UBASH3B: variants seen among roughly 807,000 people sequenced by gnomAD.
The protein encoded by UBASH3B is ubiquitin associated and SH3 domain containing B.
UBASH3B carries 37 observed loss-of-function variants against 83.4 expected under a neutral mutation model. The ratio of observed to expected loss-of-function variants is 0.44; its 90% confidence interval spans 0.34 to 0.58. The LOEUF is 0.58. Among genes scored for constraint, UBASH3B ranks in the 20% least tolerant of loss-of-function variants. UBASH3B has a pLI of 0.01. For synonymous variants in UBASH3B, 304 were observed against 318.3 expected, an observed-to-expected ratio of 0.96 and a Z score of 0.48; for missense variants, 657 against 827.2, an observed-to-expected ratio of 0.79 and a Z score of 2.52.
chr11:122,707,813 C>T (rs1205930830), intron 1 of UBASH3B, among the ~76,000 whole-genome samples: 2 of 151,840 alleles, frequency 1.3e-5, no homozygotes, highest in African/African-American at 4.8e-5. Context: ...ATTCTTCTGC[C>T]ACAGCCGAGT....
At chr11:122,658,090 C>T (rs1202035544) in intron 1 of UBASH3B, among the ~76,000 whole-genome samples, 2 of 150,860 alleles carry the variant, frequency 1.3e-5, no homozygotes, top group Admixed American at 6.6e-5. Context: ...ATAAGAGAAT[C>T]GCTTGAGCCC....
rs1228865863 is a variant in UBASH3B, at chr11:122,774,862, C to A, written c.162-1357C>A. 2.0e-5 allele frequency among the ~76,000 whole-genome samples: 3 copies of A among 152,206 alleles called. No individual in the cohort carries two copies. The Middle Eastern group carries it at 0.01, about 521-fold the overall frequency. The stretch of plus-strand genomic sequence containing the variant: ...TTCCACATCAACGACCACCACGCGC[C>A]CCATCCACCCCACCCAGATGTGTCT... On this transcript the variant is annotated intron_variant, in intron 1 of 13. Coordinates refer to ENST00000284273, the MANE Select transcript of UBASH3B (RefSeq NM_032873.5).
intron 10 of UBASH3B, 76 bp from the exon 11 acceptor site, chr11:122,801,112 T>C (rs774717108): frequency 2.0e-5 from 31 of 1,549,352 alleles, no homozygotes; most frequent in Non-Finnish European, 2.2e-5. Flanking sequence ...ATAGCTGATT[T>C]ATCAGAATTT....
chr11:122,678,224 A>C (rs1158686213), intron 1 of UBASH3B, among the ~76,000 whole-genome samples: 2 of 152,230 alleles, frequency 1.3e-5, no homozygotes, highest in East Asian at 3.9e-4. Flanking sequence ...AGTTCAGTTC[A>C]TATCAGCCAT....
intron 1 of UBASH3B, among the ~76,000 whole-genome samples, chr11:122,737,129 C>T (rs921516537): frequency 3.3e-5 from 5 of 151,992 alleles, no homozygotes; most frequent in African/African-American, 1.2e-4. Context: ...CAGGGAAGGG[C>T]CAGAAAATAG....
intron 1 of UBASH3B, among the ~76,000 whole-genome samples, chr11:122,660,275 T>C (rs758283504): frequency 3.9e-5 from 6 of 152,146 alleles, no homozygotes; most frequent in Non-Finnish European, 7.4e-5. Flanking sequence ...ACGGTGTGTG[T>C]GTGCGTGTGC....
chr11:122,799,725 C>T (rs1435285941), intron 10 of UBASH3B, among the ~76,000 whole-genome samples: 8 of 152,136 alleles, frequency 5.3e-5, no homozygotes, highest in Non-Finnish European at 1.2e-4. Flanking sequence ...TCTTAATCAT[C>T]ATTTTTTTCT....
At position 122,655,737 on chromosome 11, in the gene UBASH3B, A is replaced by G. The variant is rs1023664426; in HGVS notation, c.-313A>G. ...AAAATTACTCATTGCAAATTCCCGGACTGCTAGGCGAGGAGAGGGAAGGGG... is the reference window on the plus strand; with the variant it reads ...AAAATTACTCATTGCAAATTCCCGGGCTGCTAGGCGAGGAGAGGGAAGGGG... On this transcript the variant is annotated 5_prime_UTR_variant, in exon 1 of 14. Transcript: ENST00000284273. The G allele has an allele frequency of 1.9e-5, 6 of 312,936 alleles. No homozygotes were observed. Among genetic ancestry groups the G allele is most frequent in the Non-Finnish European group, 3.5e-5 (6 of 170,828 alleles). 19.4% of individuals were successfully genotyped at this position (312,936 alleles called of 1,614,324 possible).
intron 1 of UBASH3B, among the ~76,000 whole-genome samples, chr11:122,673,607 C>T (rs192773219): frequency 2.3e-4 from 35 of 152,242 alleles, no homozygotes; most frequent in Middle Eastern, 3.4e-3. Context: ...TGCAGTGAGC[C>T]GAGATGGCTC....
chr11:122,788,116 G>C (rs761032587), intron 5 of UBASH3B, among the ~76,000 whole-genome samples: 8 of 152,188 alleles, frequency 5.3e-5, no homozygotes, highest in Non-Finnish European at 1.0e-4. Flanking sequence ...TGGCCTGGGG[G>C]CTGTTTCGGA....
chr11:122,660,670 G>A (rs1364561971), intron 1 of UBASH3B, among the ~76,000 whole-genome samples: 2 of 152,140 alleles, frequency 1.3e-5, no homozygotes, highest in African/African-American at 2.4e-5. Context: ...TGTAGCTTGG[G>A]GCTGATGCTG....
At chr11:122,796,880 GT>G (rs1591328215) in intron 8 of UBASH3B, 30 bp from the exon 9 acceptor site, 2 of 1,614,048 alleles carry the variant, frequency 1.2e-6, no homozygotes, top group East Asian at 4.5e-5. Flanking sequence ...AGAAATGTAT[GT>G]ATCCTCTGTC....
intron 8 of UBASH3B, among the ~76,000 whole-genome samples, chr11:122,796,698 C>T (rs1283198665): frequency 6.6e-6 from 1 of 152,166 alleles, no homozygotes; most frequent in African/African-American, 2.4e-5. Context: ...GAGAAACTAC[C>T]TCATGTCACT....
chr11:122,808,131 C>T lies in UBASH3B; in HGVS notation c.1767C>T (p.Gly589=). The T allele has an allele frequency of 6.2e-7, 1 of 1,614,166 alleles. No individual in the cohort carries two copies. The highest frequency in any genetic ancestry group is 8.5e-7 in the Non-Finnish European group (1 of 1,180,002). ...AAGCGTGTACCTGCCAACTTCAGGG[C>T]CTGTCACCTCAGAACTCCAAGGACT... ...SLEACTCQLQ[G]LSPQNSKDFV... Residue 589 remains glycine (G), a synonymous_variant, in exon 13 of 14, where the codon GGC becomes GGT. Transcript: ENST00000284273.
intron 11 of UBASH3B, 135 bp downstream of exon 11, chr11:122,801,467 A>G (rs1861258492): frequency 1.8e-6 from 2 of 1,086,288 alleles, no homozygotes; most frequent in South Asian, 1.7e-5. Context: ...AAAACGAGCT[A>G]TGATTTTAGA....
intron 4 of UBASH3B, chr11:122,782,650 A>C: frequency 6.4e-6 from 1 of 157,026 alleles, no homozygotes. Flanking sequence ...AATGAAGGGA[A>C]TAGAGCTTTG....
chr11:122,766,607 G>A (rs1213505785), intron 1 of UBASH3B, among the ~76,000 whole-genome samples: 2 of 152,030 alleles, frequency 1.3e-5, no homozygotes, highest in East Asian at 3.9e-4. Flanking sequence ...GCCGGACGTG[G>A]TGGCAGGTGC....
chr11:122,703,470 C>T (rs1363385699), intron 1 of UBASH3B, among the ~76,000 whole-genome samples: 1 of 151,838 alleles, frequency 6.6e-6, no homozygotes, highest in Non-Finnish European at 1.5e-5. Context: ...CCCTCCACCA[C>T]CGCTTTTCAA....
chr11:122,718,613 G>A (rs897802945), intron 1 of UBASH3B, among the ~76,000 whole-genome samples: 1 of 152,196 alleles, frequency 6.6e-6, no homozygotes, highest in African/African-American at 2.4e-5. Context: ...ACTGCACCCA[G>A]CAGGTCCTCA....
Sources: allele counts gnomAD v4.1 joint callset (sites outside exome capture counted in the v4.1 genomes callset), GRCh38; gene constraint gnomAD v4.1.1; transcripts MANE v1.5; gene names NCBI Gene and HGNC (gene_info 2026-07-23, HGNC 2026-07-21).